B4GALT6: variants seen among roughly 807,000 people sequenced by gnomAD.
The protein encoded by B4GALT6 is UDP-Gal:beta-GlcNAc beta-1,4-galactosyltransferase 6.
A neutral mutation model predicts 46.3 loss-of-function variants in B4GALT6; 14 were observed. That is an observed-to-expected ratio of 0.30 (90% confidence interval 0.20 to 0.47). The LOEUF (loss-of-function observed/expected upper bound fraction) is 0.47. Among genes scored for constraint, B4GALT6 ranks in the 20% least tolerant of loss-of-function variants. The probability of loss-of-function intolerance (pLI) is 0.99; values close to 1 mark genes in which losing one functional copy is unlikely to be tolerated. For synonymous variants in B4GALT6, 168 were observed against 162.0 expected, an observed-to-expected ratio of 1.04 and a Z score of -0.28; for missense variants, 386 against 480.1, an observed-to-expected ratio of 0.80 and a Z score of 1.83.
At chr18:31,702,303 T>C in the B4GALT6 span, among the ~76,000 whole-genome samples, 1 of 152,214 alleles carries the variant, frequency 6.6e-6, no homozygotes, top group Non-Finnish European at 1.5e-5. Context: ...TTAACACTTA[T>C]ATATATGTGC....
chr18:31,629,309 C>T (rs898588463), intron 6 of B4GALT6, among the ~76,000 whole-genome samples: 1 of 151,442 alleles, frequency 6.6e-6, no homozygotes, highest in South Asian at 2.1e-4. Context: ...CCACTGTAAC[C>T]CCTGCATTAC....
At chr18:31,639,956 A>C (rs8089955) in intron 4 of B4GALT6, among the ~76,000 whole-genome samples, 7,339 of 152,224 alleles carry the variant, frequency 0.048, 576 homozygotes, top group African/African-American at 0.17. Flanking sequence ...TGAAAAACCT[A>C]AAGTGTTTTC....
the B4GALT6 span, among the ~76,000 whole-genome samples, chr18:31,698,232 C>T: frequency 8.5e-5 from 13 of 152,214 alleles, no homozygotes; most frequent in African/African-American, 3.1e-4. Flanking sequence ...TTGTTTTTGA[C>T]CTTTTGACCT....
At chr18:31,626,847 G>GAA in intron 7 of B4GALT6, 152 bp downstream of exon 7, 3 of 594,114 alleles carry the variant, frequency 5.0e-6, no homozygotes, top group Non-Finnish European at 7.7e-6. Flanking sequence ...CAGACTTAAT[G>GAA]AAAAAAAAAG....
At chr18:31,677,728 C>A (rs911179846) in intron 1 of B4GALT6, among the ~76,000 whole-genome samples, 5 of 151,920 alleles carry the variant, frequency 3.3e-5, no homozygotes, top group Admixed American at 3.3e-4. Context: ...AAAGAAAACA[C>A]GAAACAGATT....
At chr18:31,648,932 T>C (rs1241134500) in intron 3 of B4GALT6, among the ~76,000 whole-genome samples, 1 of 152,246 alleles carries the variant, frequency 6.6e-6, no homozygotes, top group Non-Finnish European at 1.5e-5. Flanking sequence ...ATATGTTGGC[T>C]TTTGTCTGTT....
intron 1 of B4GALT6, among the ~76,000 whole-genome samples, chr18:31,673,042 G>A (rs1164711354): frequency 2.0e-5 from 3 of 152,198 alleles, no homozygotes. Flanking sequence ...TGGAAGAGCA[G>A]GGCCCTGAGC....
At chr18:31,685,293 G>A (rs1025611939), upstream of B4GALT6, among the ~76,000 whole-genome samples, 1 of 121,316 alleles carries the variant, frequency 8.2e-6, no homozygotes, top group African/African-American at 2.5e-5. Context: ...GCAACCGGGC[G>A]ACGCGCGCTG....
the B4GALT6 span, chr18:31,724,488 G>C: frequency 9.9e-7 from 1 of 1,015,228 alleles, no homozygotes; most frequent in Non-Finnish European, 1.2e-6. Context: ...GGAGAGCTTT[G>C]ATTACCTGGG....
chr18:31,712,399 T>G, the B4GALT6 span, among the ~76,000 whole-genome samples: 2 of 148,328 alleles, frequency 1.3e-5, no homozygotes, highest in Non-Finnish European at 3.0e-5. Flanking sequence ...ACTTCCTGGG[T>G]TCAAGTGATT....
chr18:31,683,391 G>C (rs922449485), intron 1 of B4GALT6, among the ~76,000 whole-genome samples: 1 of 152,174 alleles, frequency 6.6e-6, no homozygotes, highest in East Asian at 1.9e-4. Context: ...CTGTTACTAA[G>C]TAATTGAACA....
At chr18:31,710,094 CAA>C in the B4GALT6 span, among the ~76,000 whole-genome samples, 24 of 107,494 alleles carry the variant, frequency 2.2e-4, no homozygotes, top group Admixed American at 3.1e-4. Context: ...GACTTTATCT[CAA>C]AAAAAAAAAA....
intron 1 of B4GALT6, among the ~76,000 whole-genome samples, chr18:31,678,544 T>A (rs1024743252): frequency 6.6e-6 from 1 of 152,190 alleles, no homozygotes; most frequent in Non-Finnish European, 1.5e-5. Flanking sequence ...GAGTCAGGAA[T>A]CCTAAGGTGT....
At chr18:31,627,941 T>TGCCAGAGCA (rs2073722286) in intron 6 of B4GALT6, among the ~76,000 whole-genome samples, 4 of 152,130 alleles carry the variant, frequency 2.6e-5, no homozygotes, top group African/African-American at 9.7e-5. Flanking sequence ...AGAGAAAACG[T>TGCCAGAGCA]GACCATGCAC....
upstream of B4GALT6, among the ~76,000 whole-genome samples, chr18:31,689,026 C>T (rs1364873702): frequency 1.3e-5 from 2 of 152,170 alleles, no homozygotes; most frequent in Admixed American, 6.5e-5. Context: ...ATAAAGTGTA[C>T]TACATGGTAC....
Position 31,682,621 on chromosome 18 carries a change from G to A in B4GALT6, c.115+1691C>T, listed in dbSNP as rs376548744. On this transcript the variant is annotated intron_variant, in intron 1 of 8. Transcript: ENST00000306851. Reference sequence around the variant, plus strand: ...TGACGCACTAACTTTAAAAAAAAAGGGATGACTAGAATTCTGATTTCCTTT... The same window carrying A: ...TGACGCACTAACTTTAAAAAAAAAGAGATGACTAGAATTCTGATTTCCTTT... Among the ~76,000 whole-genome samples the A allele has an allele frequency of 1.1e-4, 17 of 152,022 alleles. No individual in the cohort carries two copies. In the East Asian group the frequency reaches 3.1e-3, roughly 28 times the overall value.
rs746472355 is a variant in B4GALT6, at chr18:31,645,454, G to A, written c.372C>T (p.Ser124=). ...YMRGFLNVNV[S]EVSFDEIHQL... ...GATGAATTTCATCAAAACTGACTTC[G>A]CTTACATTGACATTGAGGAATCCTC... The change falls in exon 4 of 9, where the codon AGC becomes AGT. Residue 124 remains serine, a synonymous_variant. Coordinates refer to ENST00000306851, the MANE Select transcript of B4GALT6 (RefSeq NM_004775.5). 1.2e-5 allele frequency: 19 copies of A among 1,611,976 alleles called. No homozygotes were observed. The highest frequency in any genetic ancestry group is 3.3e-4 in the Middle Eastern group (2 of 6,082).
chr18:31,682,942 T>C (rs374744051), intron 1 of B4GALT6, among the ~76,000 whole-genome samples: 126 of 152,330 alleles, frequency 8.3e-4, no homozygotes, highest in African/African-American at 2.8e-3. Context: ...ATTTGTACTA[T>C]AGGCTTCAAG....
intron 4 of B4GALT6, among the ~76,000 whole-genome samples, 187 bp downstream of exon 4, chr18:31,645,168 T>G (rs1208245200): frequency 6.6e-6 from 1 of 152,244 alleles, no homozygotes; most frequent in East Asian, 1.9e-4. Context: ...ACAGGTGCAT[T>G]TACAGTCTTC....
Sources: gnomAD v4.1 joint callset for allele counts (sites outside exome capture counted in the v4.1 genomes callset) on GRCh38, gnomAD v4.1.1 for gene constraint, MANE v1.5 for transcripts, NCBI Gene and HGNC (gene_info 2026-07-23, HGNC 2026-07-21) for gene names.